HIBADH: variants seen among roughly 807,000 people sequenced by gnomAD.
HIBADH encodes 3-hydroxyisobutyrate dehydrogenase, also known as 3-hydroxyisobutyrate dehydrogenase, mitochondrial.
In HIBADH, 25 loss-of-function variants were observed where a neutral mutation model predicts 36.1. The ratio of observed to expected loss-of-function variants is 0.69; its 90% CI spans 0.50 to 0.97. The LOEUF is 0.97. HIBADH is among the 50% of genes least tolerant of loss of function. The pLI is 0.00. For missense variants in HIBADH, 421 were observed against 418.0 expected, an observed-to-expected ratio of 1.01 and a Z score of -0.06; for synonymous variants, 160 against 149.5, an observed-to-expected ratio of 1.07 and a Z score of -0.51.
intron 4 of HIBADH, among the ~76,000 whole-genome samples, chr7:27,585,409 G>T (rs1444373053): frequency 1.3e-5 from 2 of 152,052 alleles, no homozygotes; most frequent in African/African-American, 4.8e-5. Context: ...TCTATGCTAG[G>T]ACTAGACTTT....
intron 4 of HIBADH, among the ~76,000 whole-genome samples, chr7:27,550,400 T>A (rs922216276): frequency 3.3e-5 from 5 of 152,220 alleles, no homozygotes; most frequent in African/African-American, 1.2e-4. Context: ...TTTTTAAATC[T>A]TTATTTTCCT....
intron 4 of HIBADH, among the ~76,000 whole-genome samples, chr7:27,582,796 A>G (rs1784812193): frequency 6.6e-6 from 1 of 152,092 alleles, no homozygotes; most frequent in Non-Finnish European, 1.5e-5. Context: ...TTATATGGAT[A>G]AAAAGCACAA....
chr7:27,656,492 T>C (rs145433278), intron 1 of HIBADH, among the ~76,000 whole-genome samples: 7 of 152,148 alleles, frequency 4.6e-5, no homozygotes, highest in African/African-American at 1.4e-4. Context: ...TATCTAAAAT[T>C]ATAGGAAAAA....
At chr7:27,533,982 A>ATGCG (rs1166660938) in intron 6 of HIBADH, among the ~76,000 whole-genome samples, 9 of 152,216 alleles carry the variant, frequency 5.9e-5, no homozygotes, top group Non-Finnish European at 1.0e-4. Context: ...TCGAGAGTGC[A>ATGCG]TGCGTGCATG....
intron 4 of HIBADH, among the ~76,000 whole-genome samples, chr7:27,590,030 TAA>T (rs1374479443): frequency 6.6e-6 from 1 of 152,116 alleles, no homozygotes; most frequent in Non-Finnish European, 1.5e-5. Flanking sequence ...AACATTCTGA[TAA>T]AGTCAGCCCT....
chr7:27,627,826 T>C (rs1456150647), intron 4 of HIBADH, among the ~76,000 whole-genome samples: 1 of 152,178 alleles, frequency 6.6e-6, no homozygotes, highest in Non-Finnish European at 1.5e-5. Flanking sequence ...TTAGCATTTT[T>C]GTACACTAAA....
intron 2 of HIBADH, among the ~76,000 whole-genome samples, chr7:27,646,470 A>T (rs1786072767): frequency 6.6e-6 from 1 of 152,178 alleles, no homozygotes; most frequent in African/African-American, 2.4e-5. Flanking sequence ...TGGATGCCTG[A>T]AACCACAGAC....
chr7:27,612,378 T>C (rs1420863049), intron 4 of HIBADH, among the ~76,000 whole-genome samples: 1 of 151,498 alleles, frequency 6.6e-6, no homozygotes, highest in African/African-American at 2.4e-5. Context: ...CAGGCTTGAG[T>C]GCAATGGCTC....
At chr7:27,608,291 G>A (rs918864197) in intron 4 of HIBADH, among the ~76,000 whole-genome samples, 1 of 152,088 alleles carries the variant, frequency 6.6e-6, no homozygotes, top group Non-Finnish European at 1.5e-5. Flanking sequence ...ATCCCTCCAA[G>A]GCAAAAGACA....
intron 4 of HIBADH, among the ~76,000 whole-genome samples, chr7:27,576,960 T>A (rs1368304185): frequency 6.6e-6 from 1 of 152,132 alleles, no homozygotes; most frequent in Non-Finnish European, 1.5e-5. Context: ...ACATACTTGA[T>A]TTTAAAATTC....
rs542284111 is a variant in HIBADH, at chr7:27,531,118, G to C, written c.852+74C>G. 3.6e-5 allele frequency: 50 copies of C among 1,402,872 alleles called. No homozygotes were observed. In the African/African-American group the frequency reaches 5.7e-4, roughly 16 times the overall value. The allele number at this position is 1,402,872 out of a possible 1,614,324, so 86.9% of individuals were successfully genotyped here. ...TTACCTGAGACATATGCTTTATTAA[G>C]AGAAAGAGAAGGAAGGTGTTATTGG... On this transcript the variant is annotated intron_variant, in intron 7 of 7. Transcript: ENST00000265395.
chr7:27,585,131 TATAC>T (rs1035106075), intron 4 of HIBADH, among the ~76,000 whole-genome samples: 2 of 152,064 alleles, frequency 1.3e-5, no homozygotes, highest in East Asian at 1.9e-4. Context: ...ATAGAGCTTT[TATAC>T]ATACATACAG....
At chr7:27,598,175 A>C (rs1352138954) in intron 4 of HIBADH, among the ~76,000 whole-genome samples, 2 of 152,200 alleles carry the variant, frequency 1.3e-5, no homozygotes, top group African/African-American at 4.8e-5. Flanking sequence ...AGAAGTACAC[A>C]ATTATCTAAA....
intron 2 of HIBADH, among the ~76,000 whole-genome samples, chr7:27,637,408 TA>T (rs1413507641): frequency 6.6e-6 from 1 of 152,154 alleles, no homozygotes; most frequent in Non-Finnish European, 1.5e-5. Context: ...AAAAAGATGC[TA>T]AAAGTTGAAA....
chr7:27,653,016 T>C (rs1583622290), intron 1 of HIBADH, among the ~76,000 whole-genome samples: 1 of 152,000 alleles, frequency 6.6e-6, no homozygotes, highest in Non-Finnish European at 1.5e-5. Context: ...GTAATCCCAG[T>C]TACTCAGGAG....
At chr7:27,527,940 T>TTTTTTTTTTTTTTTTTTTTTTG in intron 7 of HIBADH, among the ~76,000 whole-genome samples, 1 of 140,964 alleles carries the variant, frequency 7.1e-6, no homozygotes, top group Non-Finnish European at 1.5e-5. Context: ...TTTTTTTTTT[T>TTTTTTTTTTTTTTTTTTTTTTG]TTAGTAGAGA....
intron 4 of HIBADH, among the ~76,000 whole-genome samples, chr7:27,575,625 A>T (rs984645081): frequency 1.3e-4 from 20 of 152,136 alleles, no homozygotes; most frequent in Non-Finnish European, 2.8e-4. Context: ...AGGGATGGTA[A>T]AAGCAGCAAG....
intron 4 of HIBADH, among the ~76,000 whole-genome samples, chr7:27,621,551 G>A (rs1027002077): frequency 1.4e-4 from 21 of 152,160 alleles, no homozygotes; most frequent in Non-Finnish European, 2.9e-4. Flanking sequence ...CAGCACCTTG[G>A]GAGGCCAAGG....
chr7:27,591,567 T>A (rs1784941640), intron 4 of HIBADH, among the ~76,000 whole-genome samples: 1 of 151,266 alleles, frequency 6.6e-6, no homozygotes, highest in South Asian at 2.1e-4. Flanking sequence ...AAAAAAAAAA[T>A]TATCACCTAA....
Sources: gnomAD v4.1 joint callset for allele counts (sites outside exome capture counted in the v4.1 genomes callset) on GRCh38, gnomAD v4.1.1 for gene constraint, MANE v1.5 for transcripts, NCBI Gene and HGNC (gene_info 2026-07-23, HGNC 2026-07-21) for gene names.